Variants in CAMK1D observed in about 807,000 individuals in gnomAD.
The protein encoded by CAMK1D is calcium/calmodulin dependent protein kinase ID.
Under a neutral mutation model 47.7 loss-of-function variants are expected in CAMK1D, and 9 were observed. That is an observed-to-expected ratio of 0.19 (90% CI 0.11 to 0.33). The LOEUF is 0.33. Among genes scored for constraint, CAMK1D ranks in the 10% least tolerant of loss-of-function variants. The pLI is 1.00. For synonymous variants in CAMK1D, 184 were observed against 184.9 expected, an observed-to-expected ratio of 0.99 and a Z score of 0.04; for missense variants, 291 against 488.7, an observed-to-expected ratio of 0.60 and a Z score of 3.81.
chr10:12,439,244 C>T (rs899283333), intron 1 of CAMK1D, among the ~76,000 whole-genome samples: 13 of 152,148 alleles, frequency 8.5e-5, no homozygotes, highest in Non-Finnish European at 1.9e-4. Context: ...CTTTCTGTGG[C>T]TGAAAAGGCT....
At chr10:12,350,233 C>T (rs1371680207) in intron 1 of CAMK1D, among the ~76,000 whole-genome samples, 1 of 152,252 alleles carries the variant, frequency 6.6e-6, no homozygotes, top group Non-Finnish European at 1.5e-5. Flanking sequence ...GTGGGCTGAG[C>T]ATGGTGGGGA....
intron 1 of CAMK1D, among the ~76,000 whole-genome samples, chr10:12,441,965 G>T (rs1312864029): frequency 1.3e-5 from 2 of 152,210 alleles, no homozygotes; most frequent in Non-Finnish European, 2.9e-5. Flanking sequence ...ACACAGAATG[G>T]ATTGGAAGTT....
intron 2 of CAMK1D, among the ~76,000 whole-genome samples, chr10:12,561,973 T>C (rs1342798561): frequency 6.6e-6 from 1 of 152,246 alleles, no homozygotes; most frequent in East Asian, 1.9e-4. Flanking sequence ...GGCCTCTTCC[T>C]GCCTAGGGTT....
intron 1 of CAMK1D, among the ~76,000 whole-genome samples, chr10:12,461,521 C>T (rs983806445): frequency 5.3e-5 from 8 of 151,718 alleles, no homozygotes. Flanking sequence ...AAACCCCGTC[C>T]CTACTAAAAA....
At chr10:12,522,442 A>G (rs1835452379) in intron 1 of CAMK1D, among the ~76,000 whole-genome samples, 1 of 144,448 alleles carries the variant, frequency 6.9e-6, no homozygotes, top group Non-Finnish European at 1.5e-5. Context: ...AACAAAGCAC[A>G]TCTTGCACCG....
At chr10:12,814,787 G>GCAACAAACTC (rs1832735553) in intron 7 of CAMK1D, among the ~76,000 whole-genome samples, 2 of 152,280 alleles carry the variant, frequency 1.3e-5, no homozygotes, top group African/African-American at 4.8e-5. Flanking sequence ...ACTCACAGCA[G>GCAACAAACTC]ACAGTTCATA....
intron 6 of CAMK1D, among the ~76,000 whole-genome samples, chr10:12,804,301 C>T (rs2493760): frequency 0.039 from 5,921 of 152,198 alleles, 158 homozygotes; most frequent in Middle Eastern, 0.078. Flanking sequence ...AAAGAATAAT[C>T]GATCGACAAA....
intron 2 of CAMK1D, chr10:12,653,284 T>G (rs1840029477): frequency 6.5e-6 from 1 of 153,150 alleles, no homozygotes; most frequent in African/African-American, 2.4e-5. Context: ...AGGCCCCACC[T>G]CACAATACTG....
intron 8 of CAMK1D, among the ~76,000 whole-genome samples, chr10:12,823,897 G>T (rs939158986): frequency 2.0e-5 from 3 of 151,974 alleles, no homozygotes; most frequent in Non-Finnish European, 2.9e-5. Context: ...GGCAGGCTCA[G>T]CTCTGCTGAG....
At chr10:12,765,690 A>G (rs986448561) in intron 4 of CAMK1D, among the ~76,000 whole-genome samples, 1 of 152,172 alleles carries the variant, frequency 6.6e-6, no homozygotes, top group Non-Finnish European at 1.5e-5. Context: ...GCAGACACAC[A>G]AGGAGTGAGC....
At chr10:12,648,681 G>C (rs897017639) in intron 2 of CAMK1D, among the ~76,000 whole-genome samples, 1 of 152,060 alleles carries the variant, frequency 6.6e-6, no homozygotes, top group Non-Finnish European at 1.5e-5. Context: ...ATCTTGGCCA[G>C]GCTGGTCTTG....
At position 12,814,314 on chromosome 10, in the gene CAMK1D, C is replaced by T. The variant is rs1439665550; in HGVS notation, c.754+7C>T. ...GATGACATCTCCGACTCTGGTAGGTCTCCCATAGGCAGCTCCCAGTGGGCG... is the reference window on the plus strand; with the variant it reads ...GATGACATCTCCGACTCTGGTAGGTTTCCCATAGGCAGCTCCCAGTGGGCG... On this transcript the variant is annotated splice_region_variant and intron_variant, in intron 7 of 10. Transcript: ENST00000619168. 1 of 1,576,340 alleles carries T rather than the reference C, an allele frequency of 6.3e-7. No homozygotes were observed. The highest frequency in any genetic ancestry group is 8.7e-7 in the Non-Finnish European group (1 of 1,145,780).
chr10:12,697,218 C>A (rs1484772418), intron 3 of CAMK1D, among the ~76,000 whole-genome samples: 2 of 152,050 alleles, frequency 1.3e-5, no homozygotes, highest in Non-Finnish European at 2.9e-5. Context: ...TTCATATGTC[C>A]AAGAACCAGA....
chr10:12,570,305 G>A (rs761511900), intron 2 of CAMK1D, among the ~76,000 whole-genome samples: 1 of 152,132 alleles, frequency 6.6e-6, no homozygotes, highest in Non-Finnish European at 1.5e-5. Flanking sequence ...GTGTAAGAAA[G>A]TCACCTCACA....
At chr10:12,358,472 G>C (rs1283187278) in intron 1 of CAMK1D, among the ~76,000 whole-genome samples, 2 of 152,176 alleles carry the variant, frequency 1.3e-5, no homozygotes, top group East Asian at 3.8e-4. Context: ...GGCGAAGGTT[G>C]CAGTGGGCCG....
chr10:12,627,546 C>G (rs1177921530), intron 2 of CAMK1D, among the ~76,000 whole-genome samples: 1 of 152,132 alleles, frequency 6.6e-6, no homozygotes, highest in Non-Finnish European at 1.5e-5. Context: ...TTAGTTAATT[C>G]TTTCTACCCA....
intron 1 of CAMK1D, among the ~76,000 whole-genome samples, chr10:12,357,147 T>C (rs367554343): frequency 3.3e-5 from 5 of 152,078 alleles, no homozygotes; most frequent in Admixed American, 1.3e-4. Context: ...CCACCGGGGA[T>C]ATGTTTTCTT....
chr10:12,408,978 C>A (rs1036387502), intron 1 of CAMK1D, among the ~76,000 whole-genome samples: 2 of 151,732 alleles, frequency 1.3e-5, no homozygotes, highest in Non-Finnish European at 2.9e-5. Flanking sequence ...CTCAGCCTCC[C>A]GAGTAGTAGT....
chr10:12,563,365 G>T (rs2132295266), intron 2 of CAMK1D, among the ~76,000 whole-genome samples: 1 of 152,160 alleles, frequency 6.6e-6, no homozygotes, highest in Admixed American at 6.5e-5. Flanking sequence ...AAAAAAAAAG[G>T]GAAGAAGAAC....
Sources: gnomAD v4.1 joint callset for allele counts (sites outside exome capture counted in the v4.1 genomes callset) on GRCh38, gnomAD v4.1.1 for gene constraint, MANE v1.5 for transcripts, NCBI Gene and HGNC (gene_info 2026-07-23, HGNC 2026-07-21) for gene names.